The following GNAS variants were observed in gnomAD, a reference collection of about 807,000 sequenced individuals.
The protein encoded by GNAS is GNAS complex locus, also known as protein ALEX.
In GNAS, 8 loss-of-function variants were observed where a neutral mutation model predicts 54.5. The observed-to-expected ratio is 0.15, with a 90% confidence interval of 0.09 to 0.26. The LOEUF (loss-of-function observed/expected upper bound fraction) is 0.26, where lower values mean the gene tolerates loss of function less well. GNAS is among the 10% of genes least tolerant of loss of function. GNAS has a pLI of 1.00. For missense variants in GNAS, 170 were observed against 529.8 expected, an observed-to-expected ratio of 0.32 and a Z score of 6.67; for synonymous variants, 204 against 191.4, an observed-to-expected ratio of 1.07 and a Z score of -0.54.
chr20:58,859,454 CCCAAAGTACTGGG>C (rs57238034), intron 1 of GNAS, among the ~76,000 whole-genome samples: 11,910 of 152,060 alleles, frequency 0.078, 965 homozygotes, highest in African/African-American at 0.21. Flanking sequence ...TACCCAGCCT[CCCAAAGTACTGGG>C]ATTACAGGCA....
intron 1 of GNAS, among the ~76,000 whole-genome samples, chr20:58,844,969 AC>A (rs1244502296): frequency 2.0e-5 from 3 of 152,206 alleles, no homozygotes; most frequent in African/African-American, 7.2e-5. Context: ...GCAGAATTCC[AC>A]TGTGTCCTTT....
intron 1 of GNAS, among the ~76,000 whole-genome samples, chr20:58,844,855 G>A (rs117588164): frequency 6.6e-6 from 1 of 151,762 alleles, no homozygotes; most frequent in African/African-American, 2.4e-5. Flanking sequence ...AACAAAAAAA[G>A]CACCAGCTAG....
At chr20:58,889,969 C>T (rs891223200), upstream of GNAS, among the ~76,000 whole-genome samples, 10 of 151,416 alleles carry the variant, frequency 6.6e-5, no homozygotes, top group Admixed American at 2.0e-4. Context: ...GCTGCCGAAG[C>T]TGCGGCGGCG....
intron 1 of GNAS, among the ~76,000 whole-genome samples, chr20:58,882,606 G>A (rs1438730532): frequency 1.3e-5 from 2 of 152,214 alleles, no homozygotes; most frequent in East Asian, 1.9e-4. Context: ...CAGCTGTAGC[G>A]TTATTTCAGC....
Position 58,873,603 on chromosome 20 carries a change from C to T in GNAS, c.44-22009C>T, listed in dbSNP as rs2087605239. ...TTACTCCTTTTTGTCTGTCTAGTAG[C>T]ATCTCTAAGCTTGCAGTAGCTGCTC... On this transcript the variant is annotated intron_variant, in intron 1 of 12. Coordinates refer to the GNAS transcript ENST00000306090. This position sits in a 1 kb window ranked among gnomAD's most constrained non-coding sequence, Gnocchi z 4.3. 6.6e-6 allele frequency among the ~76,000 whole-genome samples: 1 copy of T among 152,174 alleles called. No individual in the cohort carries two copies. Among genetic ancestry groups the T allele is most frequent in the South Asian group, 2.1e-4 (1 of 4,830 alleles).
Position 58,910,287 on chromosome 20 carries a change from C to T in GNAS, c.971-47C>T, listed in dbSNP as rs768107331. 4.1e-6 allele frequency: 6 copies of T among 1,446,998 alleles called. No homozygotes were observed. The highest frequency in any genetic ancestry group is 5.8e-6 in the Non-Finnish European group (6 of 1,027,600). 89.6% of individuals were successfully genotyped at this position (1,446,998 alleles called of 1,614,324 possible). Reference sequence around the variant, plus strand: ...CTACAGAGATGCTAGCACCCCAGCTCTGCTTGAATTTTAAATTACATTAAT... The same window carrying T: ...CTACAGAGATGCTAGCACCCCAGCTTTGCTTGAATTTTAAATTACATTAAT... On this transcript the variant is annotated intron_variant, in intron 11 of 12. Coordinates refer to ENST00000371085, the MANE Select transcript of GNAS (RefSeq NM_000516.7). The surrounding 1 kb of genome is among the most constrained non-coding windows in gnomAD (Gnocchi z 5.8).
chr20:58,909,306 T>C lies in GNAS; in HGVS notation c.586-44T>C, dbSNP rs375482426. On this transcript the variant is annotated intron_variant, in intron 7 of 12. Transcript: ENST00000371085. This position sits in a 1 kb window ranked among gnomAD's most constrained non-coding sequence, Gnocchi z 7.3. ...CTTTAGATTGGCAATTATTACTGTT[T>C]CGGTTGGCTTTGGTGAGATCCATTG... The C allele has an allele frequency of 1.9e-6, 3 of 1,591,416 alleles. No homozygotes were observed. Among genetic ancestry groups the C allele is most frequent in the Middle Eastern group, 1.7e-4 (1 of 6,024 alleles).
upstream of GNAS, chr20:58,888,975 C>T (rs577911559): frequency 6.7e-5 from 49 of 729,676 alleles, 1 homozygote; most frequent in East Asian, 3.9e-3. Flanking sequence ...TCGCGGCCCC[C>T]GCGCCCCCGG....
upstream of GNAS, among the ~76,000 whole-genome samples, chr20:58,886,661 A>C (rs2088610901): frequency 7.3e-6 from 1 of 137,582 alleles, no homozygotes; most frequent in African/African-American, 2.7e-5. Flanking sequence ...AAAGACTTGA[A>C]AAAAAAAAAT....
intron 3 of GNAS, among the ~76,000 whole-genome samples, chr20:58,901,830 C>T (rs1361631491): frequency 4.1e-5 from 6 of 146,888 alleles, no homozygotes; most frequent in African/African-American, 7.5e-5. Context: ...TTGACCCCAC[C>T]GTCCGTCCCC....
At chr20:58,869,826 A>G (rs2087318122) in intron 1 of GNAS, among the ~76,000 whole-genome samples, 1 of 152,188 alleles carries the variant, frequency 6.6e-6, no homozygotes, top group South Asian at 2.1e-4. Flanking sequence ...TGGGACCCCT[A>G]CTGTCCATCT....
chr20:58,852,077 T>C (rs6026561), intron 1 of GNAS, among the ~76,000 whole-genome samples: 65,758 of 151,578 alleles, frequency 0.43, 17,062 homozygotes, highest in African/African-American at 0.72. Flanking sequence ...TGTGAGGTCC[T>C]CCTCTGCGCA....
chr20:58,864,898 T>C (rs540829224), intron 1 of GNAS, among the ~76,000 whole-genome samples: 193 of 151,968 alleles, frequency 1.3e-3, no homozygotes, highest in Non-Finnish European at 1.4e-3. Flanking sequence ...CTGTGGGATG[T>C]GTAGCAGCAT....
intron 1 of GNAS, among the ~76,000 whole-genome samples, chr20:58,860,511 T>C (rs1008836684): frequency 5.9e-5 from 9 of 152,194 alleles, no homozygotes; most frequent in African/African-American, 2.2e-4. Flanking sequence ...CTGGATCTCA[T>C]GATCTTATCA....
rs1009151713 is a variant in GNAS at position 58,841,306 on chromosome 20, G to T, written c.43+420G>T. 13 of 1,059,872 alleles carry T rather than the reference G, an allele frequency of 1.2e-5. No homozygotes were observed. In the African/African-American group the frequency reaches 2.0e-4, roughly 16 times the overall value. The allele number at this position is 1,059,872 out of a possible 1,614,324, so 65.7% of individuals were successfully genotyped here. ...GGCCTTCTCAGGTGTCCAAAATGTG[G>T]TTCGGAGGTGCGCGCGCCAACTTTC... On this transcript the variant is annotated intron_variant, in intron 1 of 12. Coordinates refer to the GNAS transcript ENST00000306090. This position sits in a 1 kb window ranked among gnomAD's most constrained non-coding sequence, Gnocchi z 5.0.
rs115671866 is a variant in GNAS at position 58,879,211 on chromosome 20, A to G, written c.44-16401A>G. On this transcript the variant is annotated intron_variant, in intron 1 of 12. Transcript: ENST00000306090. ...TAGCTTCTTAATTTAGACCATTTAC[A>G]TTTTACAGAGCACTAAAAAGCAAGC... Among the ~76,000 whole-genome samples the G allele has an allele frequency of 8.5e-3, 1,301 of 152,324 alleles. 15 individuals are homozygous for G. The highest frequency in any genetic ancestry group is 0.029 in the African/African-American group (1,219 of 41,558).
In GNAS at chr20:58,857,374, T is replaced by C. The variant is rs1459858822; in HGVS notation, c.43+16488T>C. 6.6e-6 allele frequency among the ~76,000 whole-genome samples: 1 copy of C among 152,188 alleles called. No individual in the cohort carries two copies. Among genetic ancestry groups the C allele is most frequent in the Admixed American group, 6.5e-5 (1 of 15,284 alleles). On this transcript the variant is annotated intron_variant, in intron 1 of 12. Coordinates refer to the GNAS transcript ENST00000306090. This position sits in a 1 kb window ranked among gnomAD's most constrained non-coding sequence, Gnocchi z 4.1. ...TACACTAAAGCTACCAAACATTAAATGACAATGCACTGGTTTCCCTGCAGA... is the reference window on the plus strand; with the variant it reads ...TACACTAAAGCTACCAAACATTAAACGACAATGCACTGGTTTCCCTGCAGA...
At chr20:58,843,842 A>G (rs1417309801) in intron 1 of GNAS, among the ~76,000 whole-genome samples, 1 of 152,184 alleles carries the variant, frequency 6.6e-6, no homozygotes, top group Non-Finnish European at 1.5e-5. Flanking sequence ...ATGTTCCAAT[A>G]TTGTGTGGGG....
In GNAS at chr20:58,909,063, G is replaced by A. The variant is rs755229604; in HGVS notation, c.531-99G>A. ...ACTTAGTGCTGCATAACTGTGGGAC[G>A]GTCACTTCCGTTGAGCCTGACCTTG... is the stretch of plus-strand genomic sequence containing the variant. On this transcript the variant is annotated intron_variant, in intron 6 of 12. Transcript: ENST00000371085. The surrounding 1 kb of genome is among the most constrained non-coding windows in gnomAD (Gnocchi z 7.3). The A allele has an allele frequency of 2.0e-5, 19 of 967,054 alleles. No homozygotes were observed. Among genetic ancestry groups the A allele is most frequent in the Non-Finnish European group, 2.9e-5 (17 of 590,860 alleles). The allele number at this position is 967,054 out of a possible 1,614,324, so 59.9% of individuals were successfully genotyped here.
Sources: gnomAD v4.1 joint callset for allele counts (sites outside exome capture counted in the v4.1 genomes callset) on GRCh38, gnomAD v4.1.1 for gene constraint, Gnocchi (gnomAD v3.1) non-coding constraint, MANE v1.5 for transcripts, NCBI Gene and HGNC (gene_info 2026-07-23, HGNC 2026-07-21) for gene names.